The following STYX variants were observed in gnomAD, a reference collection of about 807,000 sequenced individuals.
STYX encodes the protein serine/threonine/tyrosine interacting protein.
In STYX, 20 loss-of-function variants were observed where a neutral mutation model predicts 42.7. That is an observed-to-expected ratio of 0.47 (90% confidence interval 0.33 to 0.68). The LOEUF is 0.68. Ranked by LOEUF, STYX falls within the 30% of genes least tolerant of loss-of-function variation. STYX has a pLI of 0.02. For synonymous variants in STYX, 78 were observed against 81.9 expected (o/e 0.95, Z 0.26); for missense variants, 226 against 268.5 (o/e 0.84, Z 1.11).
chr14:52,764,578 CT>C (rs934055714), intron 9 of STYX, among the ~76,000 whole-genome samples: 11 of 147,010 alleles, frequency 7.5e-5, no homozygotes, highest in African/African-American at 2.8e-4. Context: ...TAAATGAATC[CT>C]TTTTTTAACC....
At chr14:52,768,140 C>T (rs1023964275) in intron 9 of STYX, among the ~76,000 whole-genome samples, 5 of 152,104 alleles carry the variant, frequency 3.3e-5, no homozygotes, top group African/African-American at 1.2e-4. Context: ...TACTCTGGCC[C>T]ACAGAGGAGT....
chr14:52,737,728 TAGA>T (rs772043599), intron 1 of STYX, among the ~76,000 whole-genome samples: 16 of 152,330 alleles, frequency 1.1e-4, no homozygotes, highest in Admixed American at 6.5e-4. Context: ...GGATGTGTGG[TAGA>T]AGAAGACTAT....
intron 3 of STYX, among the ~76,000 whole-genome samples, chr14:52,749,562 G>C (rs1019572406): frequency 6.6e-6 from 1 of 152,012 alleles, no homozygotes; most frequent in Non-Finnish European, 1.5e-5. Context: ...ATACATACTT[G>C]ATACTTAAGT....
rs1566674786 is a variant in STYX at position 52,752,186 on chromosome 14, A to AAAC, written c.242+1408_242+1409insCAA. Among the ~76,000 whole-genome samples the AAAC allele has an allele frequency of 9.0e-4, 136 of 151,314 alleles. No individual in the cohort carries two copies. The South Asian group carries it at 9.4e-3, about 10-fold the overall frequency. Reference sequence around the variant, plus strand: ...AAAACAAAACAAAACAAAACAAAAAAAAAACAGCGCTGTGGCTTACACCTA... The same window carrying AAAC: ...AAAACAAAACAAAACAAAACAAAAAAAACAAAACAGCGCTGTGGCTTACACCTA... On this transcript the variant is annotated intron_variant, in intron 4 of 10. Transcript: ENST00000354586.
chr14:52,752,966 TG>T (rs1229589097), intron 4 of STYX, among the ~76,000 whole-genome samples: 1 of 141,932 alleles, frequency 7.0e-6, no homozygotes, highest in African/African-American at 2.6e-5. Flanking sequence ...CTGCAACCTC[TG>T]CCTCCTGGGT....
In STYX at chr14:52,730,474, C is replaced by T. The variant is rs1880648554; in HGVS notation, c.-1C>T. The T allele has an allele frequency of 1.9e-6, 3 of 1,613,678 alleles. No individual in the cohort carries two copies. In the East Asian group the frequency reaches 6.7e-5, roughly 36 times the overall value. On this transcript the variant is annotated 5_prime_UTR_variant, in exon 1 of 11. Coordinates refer to ENST00000354586, the MANE Select transcript of STYX (RefSeq NM_145251.4). Reference sequence around the variant, plus strand: ...CACCCACCAGCCCGCGGGCCAGCACCATGGAGGACGTGAAGCTGGAGTTCC... The same window carrying T: ...CACCCACCAGCCCGCGGGCCAGCACTATGGAGGACGTGAAGCTGGAGTTCC...
intron 4 of STYX, among the ~76,000 whole-genome samples, chr14:52,754,377 A>ATT (rs571855962): frequency 7.7e-4 from 106 of 137,988 alleles, no homozygotes; most frequent in Non-Finnish European, 1.2e-3. Context: ...GATCGGGCTA[A>ATT]TTTTTTTTTT....
At chr14:52,735,810 C>T (rs1038562866) in intron 1 of STYX, among the ~76,000 whole-genome samples, 4 of 152,188 alleles carry the variant, frequency 2.6e-5, no homozygotes, top group African/African-American at 9.7e-5. Flanking sequence ...GTCACCTCTA[C>T]AAGAATATTA....
In STYX at chr14:52,768,327, A is replaced by T. The variant is rs1201359173; in HGVS notation, c.505-513A>T. Among the ~76,000 whole-genome samples the T allele has an allele frequency of 2.0e-5, 3 of 152,152 alleles. No individual in the cohort carries two copies. In the East Asian group the frequency reaches 5.8e-4, roughly 29 times the overall value. ...TTTTCATGCCGCTTCTCAGGCACAA[A>T]TCTGTTTCTCCCTCTGTAAAGTAAC... On this transcript the variant is annotated intron_variant, in intron 9 of 10. Transcript: ENST00000354586.
rs568741332 is a variant in STYX, at chr14:52,761,324, G to A, written c.504+1570G>A. ...GCCTGGGCAACAAGAACAAAACTCC[G>A]TGTCAAAAAAAAAAAAAAAAGAATA... is the stretch of plus-strand genomic sequence containing the variant. On this transcript the variant is annotated intron_variant, in intron 9 of 10. Transcript: ENST00000354586. 1.9e-4 allele frequency among the ~76,000 whole-genome samples: 23 copies of A among 123,376 alleles called. No homozygotes were observed. The East Asian group carries it at 4.0e-3, about 22-fold the overall frequency. The allele number at this position is 123,376 out of a possible 152,430, so 80.9% of individuals were successfully genotyped here.
chr14:52,744,229 C>CT (rs757184892), intron 1 of STYX, among the ~76,000 whole-genome samples: 4 of 152,128 alleles, frequency 2.6e-5, no homozygotes, highest in East Asian at 1.9e-4. Context: ...TTTACAGCTT[C>CT]TTTATATTGG....
At chr14:52,731,476 G>C (rs998138879) in intron 1 of STYX, 1 of 125,062 alleles carries the variant, frequency 8.0e-6, no homozygotes, top group African/African-American at 3.1e-5. Flanking sequence ...TTGCTCTGTC[G>C]CCAGGCTGGA....
intron 4 of STYX, among the ~76,000 whole-genome samples, chr14:52,754,440 T>C (rs1881769825): frequency 6.6e-6 from 1 of 150,508 alleles, no homozygotes; most frequent in Non-Finnish European, 1.5e-5. Context: ...CTTGAACTCC[T>C]GAGCTTAAGC....
Position 52,731,107 on chromosome 14 carries a change from C to G in STYX, c.57+576C>G, listed in dbSNP as rs116297368. Among the ~76,000 whole-genome samples the G allele has an allele frequency of 1.1e-3, 161 of 152,268 alleles. 2 individuals carry two copies. The highest frequency in any genetic ancestry group is 3.7e-3 in the African/African-American group (154 of 41,548). On this transcript the variant is annotated intron_variant, in intron 1 of 10. Transcript: ENST00000354586. The stretch of plus-strand genomic sequence containing the variant: ...GAAAATTAATATTGAAAGTAAAATA[C>G]TATATACCTTTTCTCCTGGTTTCTA...
chr14:52,757,421 T>A, intron 6 of STYX, 66 bp downstream of exon 6: 2 of 1,418,460 alleles, frequency 1.4e-6, no homozygotes, highest in Non-Finnish European at 9.9e-7. Flanking sequence ...TTTTAGTTGG[T>A]ATTTGTCTTA....
rs58530499 is a variant in STYX, at chr14:52,739,636, T to C, written c.58-5216T>C. 7.7e-3 allele frequency among the ~76,000 whole-genome samples: 1,043 copies of C among 134,718 alleles called. 11 individuals carry two copies. Among genetic ancestry groups the C allele is most frequent in the East Asian group, 0.066 (295 of 4,450 alleles). The allele number at this position is 134,718 out of a possible 152,430, so 88.4% of individuals were successfully genotyped here. A position where few individuals can be genotyped will look rare whatever the true frequency, so the allele number is the denominator to read the frequency against. Reference sequence around the variant, plus strand: ...TGTTTTCTTTTTCCTTTCTTTCTTTTTTTTTTTTTTTTTTTTTTTCGTTGA... The same window carrying C: ...TGTTTTCTTTTTCCTTTCTTTCTTTCTTTTTTTTTTTTTTTTTTTCGTTGA... On this transcript the variant is annotated intron_variant, in intron 1 of 10. Transcript: ENST00000354586.
chr14:52,731,949 C>CTT lies in STYX; in HGVS notation c.57+1432_57+1433dup, dbSNP rs11354417. On this transcript the variant is annotated intron_variant, in intron 1 of 10. Transcript: ENST00000354586. ...CTGGGACCATGCCGGGCTAATTTTT[C>CTT]TTTTTTTTTTTTTTTGTAGCGATGG... Among the ~76,000 whole-genome samples, 101 of 136,318 alleles carry CTT rather than the reference C, an allele frequency of 7.4e-4. No homozygotes were observed. In the South Asian group the frequency reaches 7.5e-3, roughly 10 times the overall value. The allele number at this position is 136,318 out of a possible 152,430, so 89.4% of individuals were successfully genotyped here. A position where few individuals can be genotyped will look rare whatever the true frequency, so the allele number is the denominator to read the frequency against.
chr14:52,756,741 G>A (rs1197568845), intron 5 of STYX, 130 bp downstream of exon 5: 1 of 431,104 alleles, frequency 2.3e-6, no homozygotes, highest in African/African-American at 2.6e-5. Flanking sequence ...AGGCTGGAGT[G>A]CAATGGCGCA....
At chr14:52,730,954 C>G (rs764913263) in intron 1 of STYX, among the ~76,000 whole-genome samples, 1 of 152,194 alleles carries the variant, frequency 6.6e-6, no homozygotes, top group Admixed American at 6.5e-5. Flanking sequence ...TTTGGAAGCG[C>G]GCCTTCGAAA....
Sources: gnomAD v4.1 joint callset for allele counts (sites outside exome capture counted in the v4.1 genomes callset) on GRCh38, gnomAD v4.1.1 for gene constraint, MANE v1.5 for transcripts, NCBI Gene and HGNC (gene_info 2026-07-23, HGNC 2026-07-21) for gene names.